Variants in BICC1 observed in about 807,000 individuals in gnomAD.
BICC1 encodes BicC family RNA binding protein 1.
Under a neutral mutation model 111.0 loss-of-function variants are expected in BICC1, and 43 were observed. The observed-to-expected ratio is 0.39, with a 90% CI of 0.30 to 0.50. The LOEUF is 0.50. BICC1 is among the 20% of genes least tolerant of loss of function. The probability of loss-of-function intolerance (pLI) is 0.88; values close to 1 mark genes in which losing one functional copy is unlikely to be tolerated. For synonymous variants in BICC1, 467 were observed against 434.4 expected (o/e 1.07, Z -0.93); for missense variants, 1,091 against 1,203.2 (o/e 0.91, Z 1.38).
At chr10:58,798,583 C>T (rs755850579) in intron 11 of BICC1, 23 bp downstream of exon 11, 1 of 1,541,652 alleles carries the variant, frequency 6.5e-7, no homozygotes, top group East Asian at 2.4e-5. Context: ...TAAGTATATT[C>T]CAAGTTGTGT....
intron 2 of BICC1, among the ~76,000 whole-genome samples, chr10:58,676,217 C>T (rs1388992583): frequency 1.3e-5 from 2 of 152,178 alleles, no homozygotes; most frequent in African/African-American, 2.4e-5. Flanking sequence ...AGACACCGAA[C>T]TAGCTGCAGG....
chr10:58,526,450 T>C (rs915332443), intron 1 of BICC1, among the ~76,000 whole-genome samples: 2 of 152,094 alleles, frequency 1.3e-5, no homozygotes, highest in Non-Finnish European at 2.9e-5. Flanking sequence ...GCAGGTTTGT[T>C]ACATATGTAT....
intron 1 of BICC1, among the ~76,000 whole-genome samples, chr10:58,515,328 C>T (rs1004038951): frequency 6.6e-6 from 1 of 152,136 alleles, no homozygotes; most frequent in African/African-American, 2.4e-5. Context: ...TTTCATTGTG[C>T]AAACATCATG....
At chr10:58,716,194 C>T (rs140119318) in intron 3 of BICC1, 15,435 of 1,495,102 alleles carry the variant, frequency 0.01, 122 homozygotes, top group Non-Finnish European at 0.012. Flanking sequence ...CAGTGAAGAA[C>T]GAGAAAAAGC....
chr10:58,614,693 G>C (rs1324450951), intron 1 of BICC1, among the ~76,000 whole-genome samples: 1 of 152,092 alleles, frequency 6.6e-6, no homozygotes, highest in African/African-American at 2.4e-5. Context: ...AGGGTGTTTA[G>C]TGTTTTGATG....
chr10:58,781,339 G>C (rs1842879439), intron 3 of BICC1, among the ~76,000 whole-genome samples: 2 of 151,994 alleles, frequency 1.3e-5, no homozygotes, highest in African/African-American at 4.8e-5. Context: ...TAAATTATAG[G>C]TGCCATCCGT....
At chr10:58,581,749 C>A (rs1214546910) in intron 1 of BICC1, among the ~76,000 whole-genome samples, 1 of 151,970 alleles carries the variant, frequency 6.6e-6, no homozygotes, top group African/African-American at 2.4e-5. Flanking sequence ...TAAGGGGACC[C>A]CCTCCCTCCA....
chr10:58,749,639 C>G (rs1841930819), intron 3 of BICC1, among the ~76,000 whole-genome samples: 1 of 152,034 alleles, frequency 6.6e-6, no homozygotes, highest in South Asian at 2.1e-4. Context: ...AAAGTAGATA[C>G]TCATTTCAAC....
At chr10:58,516,946 G>C (rs1791256490) in intron 1 of BICC1, among the ~76,000 whole-genome samples, 1 of 151,984 alleles carries the variant, frequency 6.6e-6, no homozygotes, top group Non-Finnish European at 1.5e-5. Flanking sequence ...ATACAGTCTT[G>C]GTGTTTGCCA....
chr10:58,792,611 G>A (rs1424221189), intron 8 of BICC1, among the ~76,000 whole-genome samples: 1 of 152,152 alleles, frequency 6.6e-6, no homozygotes, highest in African/African-American at 2.4e-5. Context: ...AACCGTGCAT[G>A]CAAGAGATTT....
intron 17 of BICC1, among the ~76,000 whole-genome samples, chr10:58,809,414 A>G (rs1229895340): frequency 6.6e-6 from 1 of 151,228 alleles, no homozygotes; most frequent in Non-Finnish European, 1.5e-5. Flanking sequence ...TAGTCTTTGT[A>G]TTTTTGGTAG....
At chr10:58,724,612 C>T (rs1168472898) in intron 3 of BICC1, among the ~76,000 whole-genome samples, 1 of 152,112 alleles carries the variant, frequency 6.6e-6, no homozygotes, top group African/African-American at 2.4e-5. Context: ...TTCATTCTTC[C>T]AGCCATTTCA....
At position 58,750,826 on chromosome 10, in the gene BICC1, T is replaced by C. The variant is rs565014813; in HGVS notation, c.308-34175T>C. Among the ~76,000 whole-genome samples, 10 of 152,248 alleles carry C rather than the reference T, an allele frequency of 6.6e-5. No homozygotes were observed. The South Asian group carries it at 2.1e-3, about 32-fold the overall frequency. On this transcript the variant is annotated intron_variant, in intron 3 of 20. Transcript: ENST00000373886. ...ATGTTCCAGAAATCGGAAACCTGCT[T>C]TTTAATTGGAAGCAGTCTTTACTCT...
At chr10:58,661,203 G>A (rs548980569) in intron 2 of BICC1, among the ~76,000 whole-genome samples, 81 of 103,216 alleles carry the variant, frequency 7.8e-4, no homozygotes, top group Admixed American at 1.9e-3. Flanking sequence ...CTCGCATATC[G>A]AGCTTGAATT....
At chr10:58,581,345 T>C (rs554435604) in intron 1 of BICC1, among the ~76,000 whole-genome samples, 2 of 152,334 alleles carry the variant, frequency 1.3e-5, no homozygotes, top group South Asian at 4.1e-4. Flanking sequence ...TATGATGATA[T>C]TAAGTTATTC....
intron 3 of BICC1, among the ~76,000 whole-genome samples, chr10:58,742,513 C>T (rs1841702207): frequency 6.8e-6 from 1 of 146,038 alleles, no homozygotes; most frequent in South Asian, 2.2e-4. Context: ...TCTCAGCTCA[C>T]TGTAACCTCT....
intron 3 of BICC1, among the ~76,000 whole-genome samples, chr10:58,765,989 T>C (rs1386645549): frequency 6.6e-6 from 1 of 152,206 alleles, no homozygotes; most frequent in Non-Finnish European, 1.5e-5. Flanking sequence ...GCACATGAAA[T>C]CTTTCCAGCC....
chr10:58,705,896 G>A (rs1209446534), intron 3 of BICC1, among the ~76,000 whole-genome samples: 1 of 152,138 alleles, frequency 6.6e-6, no homozygotes, highest in Admixed American at 6.5e-5. Flanking sequence ...GGAAGGTTGA[G>A]TCATCATTAG....
At position 58,701,959 on chromosome 10, in the gene BICC1, T is replaced by A; in HGVS notation, c.238-115T>A. 2 of 696,762 alleles carry A rather than the reference T, an allele frequency of 2.9e-6. 1 individual carries two copies. Among genetic ancestry groups the A allele is most frequent in the South Asian group, 4.3e-5 (2 of 46,496 alleles). 43.2% of individuals were successfully genotyped at this position (696,762 alleles called of 1,614,324 possible). On this transcript the variant is annotated intron_variant, in intron 2 of 20. Coordinates refer to ENST00000373886, the MANE Select transcript of BICC1 (RefSeq NM_001080512.3). ...TTTGCATTGTTTTCAAATGAGATCATTTTGTATGAACATGAACTTAGGAAC... is the reference window on the plus strand; with the variant it reads ...TTTGCATTGTTTTCAAATGAGATCAATTTGTATGAACATGAACTTAGGAAC...
Sources: allele counts gnomAD v4.1 joint callset (sites outside exome capture counted in the v4.1 genomes callset), GRCh38; gene constraint gnomAD v4.1.1; transcripts MANE v1.5; gene names NCBI Gene and HGNC (gene_info 2026-07-23, HGNC 2026-07-21).